DOCK3: variants seen among roughly 807,000 people sequenced by gnomAD.
DOCK3 encodes the protein dedicator of cytokinesis 3, also known as dedicator of cytokinesis protein 3.
DOCK3 carries 60 observed loss-of-function variants against 265.6 expected under a neutral mutation model. That is an observed-to-expected ratio of 0.23 (90% CI 0.18 to 0.28). The LOEUF (loss-of-function observed/expected upper bound fraction) is 0.28. Ranked by LOEUF, DOCK3 falls within the 10% of genes least tolerant of loss-of-function variation. The pLI, the probability that DOCK3 is intolerant of heterozygous loss-of-function variation, is 1.00. For synonymous variants in DOCK3, 881 were observed against 938.0 expected, an observed-to-expected ratio of 0.94 and a Z score of 1.11; for missense variants, 1,981 against 2,594.3, an observed-to-expected ratio of 0.76 and a Z score of 5.14.
In DOCK3 at chr3:51,236,423, T is replaced by C; in HGVS notation, c.1996T>C (p.Ser666Pro). ...TEKYGLLVFQ[S>P]LVFIINLLRD... ...GAAGTACGGCCTGTTGGTTTTTCAGTCTCTGGTAAGTCACCTTCCTGACTC... is the reference window on the plus strand; with the variant it reads ...GAAGTACGGCCTGTTGGTTTTTCAGCCTCTGGTAAGTCACCTTCCTGACTC... The change falls in exon 20 of 53, where the codon TCT becomes CCT. Residue 666 changes from serine to proline, a missense_variant. By Grantham distance (74) the Ser-to-Pro change is moderately conservative. Transcript: ENST00000266037. The C allele has an allele frequency of 6.2e-7, 1 of 1,609,090 alleles. No individual in the cohort carries two copies. Among genetic ancestry groups the C allele is most frequent in the Non-Finnish European group, 8.5e-7 (1 of 1,178,554 alleles).
chr3:51,157,865 T>G (rs773548723), intron 10 of DOCK3, among the ~76,000 whole-genome samples: 12 of 149,404 alleles, frequency 8.0e-5, no homozygotes. Flanking sequence ...AGTAGCGCTG[T>G]CTCTTTCTCG....
intron 4 of DOCK3, among the ~76,000 whole-genome samples, chr3:50,925,635 C>G (rs933215584): frequency 5.7e-4 from 86 of 151,898 alleles, no homozygotes; most frequent in East Asian, 5.8e-4. Flanking sequence ...TCTTTGTGTC[C>G]GAAGAAGAAA....
intron 12 of DOCK3, among the ~76,000 whole-genome samples, chr3:51,205,738 G>T (rs981457690): frequency 6.6e-6 from 1 of 152,080 alleles, no homozygotes; most frequent in African/African-American, 2.4e-5. Context: ...AGAATTCATT[G>T]TTAACAGCAT....
intron 5 of DOCK3, among the ~76,000 whole-genome samples, chr3:50,951,694 A>G (rs968855219): frequency 8.5e-5 from 13 of 152,160 alleles, no homozygotes; most frequent in Admixed American, 7.9e-4. Flanking sequence ...TCTCATAATT[A>G]GTTTTAATTT....
At chr3:51,356,354 G>T in intron 42 of DOCK3, 53 bp from the exon 43 acceptor site, 1 of 1,612,398 alleles carries the variant, frequency 6.2e-7, no homozygotes, top group Non-Finnish European at 8.5e-7. Flanking sequence ...CAGGTAGGCA[G>T]GGTGTGGCAA....
chr3:51,112,108 G>A (rs2083546514), intron 9 of DOCK3, among the ~76,000 whole-genome samples: 1 of 152,176 alleles, frequency 6.6e-6, no homozygotes. Context: ...TACACTGTTG[G>A]TGGGAGTGTA....
chr3:50,733,761 AT>A (rs11341145), intron 1 of DOCK3, among the ~76,000 whole-genome samples: 137,164 of 151,528 alleles, frequency 0.91, 62,237 homozygotes, highest in African/African-American at 0.95. Context: ...CCTTTTGTTA[AT>A]TTTTTTTTAA....
intron 12 of DOCK3, among the ~76,000 whole-genome samples, chr3:51,172,245 G>A (rs1163819621): frequency 3.3e-5 from 5 of 150,878 alleles, no homozygotes; most frequent in Non-Finnish European, 7.4e-5. Context: ...GCACAATCTC[G>A]ACTCACTGCA....
chr3:50,723,628 A>G (rs1414077587), intron 1 of DOCK3, among the ~76,000 whole-genome samples: 1 of 152,240 alleles, frequency 6.6e-6, no homozygotes, highest in Non-Finnish European at 1.5e-5. Flanking sequence ...TGGTGCTGGG[A>G]AAACTGGCTA....
intron 4 of DOCK3, among the ~76,000 whole-genome samples, chr3:50,899,075 G>T (rs1200901499): frequency 6.6e-6 from 1 of 151,994 alleles, no homozygotes; most frequent in Admixed American, 6.6e-5. Context: ...TTGGCAGTGG[G>T]GTGTTAAAAT....
At chr3:50,717,136 C>G (rs765471216) in intron 1 of DOCK3, among the ~76,000 whole-genome samples, 5 of 152,030 alleles carry the variant, frequency 3.3e-5, no homozygotes, top group Non-Finnish European at 5.9e-5. Flanking sequence ...ATAATTTAAC[C>G]AGTTCTCTAT....
rs201245597 is a variant in DOCK3 at position 51,349,416 on chromosome 3, TG to T, written c.4002+480del. Among the ~76,000 whole-genome samples, 683 of 152,322 alleles carry T rather than the reference TG, an allele frequency of 4.5e-3. 4 individuals are homozygous for T. The highest frequency in any genetic ancestry group is 0.014 in the African/African-American group (580 of 41,580). Reference sequence around the variant, plus strand: ...TCTGCGCCAAATTTTTCCTGGTTGCTGGTGCTCGGTTCTGAATCATAATGGC... The same window carrying T: ...TCTGCGCCAAATTTTTCCTGGTTGCTGTGCTCGGTTCTGAATCATAATGGC... On this transcript the variant is annotated intron_variant, in intron 39 of 52. Coordinates refer to ENST00000266037, the MANE Select transcript of DOCK3 (RefSeq NM_004947.5).
At chr3:50,789,445 A>G (rs1280353034) in intron 2 of DOCK3, among the ~76,000 whole-genome samples, 1 of 152,168 alleles carries the variant, frequency 6.6e-6, no homozygotes, top group Non-Finnish European at 1.5e-5. Context: ...TAGAATGTAT[A>G]TTCTGCAGTT....
At chr3:50,951,368 A>C (rs1383383112) in intron 5 of DOCK3, among the ~76,000 whole-genome samples, 1 of 152,180 alleles carries the variant, frequency 6.6e-6, no homozygotes, top group Non-Finnish European at 1.5e-5. Context: ...CTGTATTACT[A>C]TGTTGATTAA....
Position 51,131,496 on chromosome 3 carries a change from G to C in DOCK3, c.747-15053G>C, listed in dbSNP as rs1266864357. On this transcript the variant is annotated intron_variant, in intron 9 of 52. Coordinates refer to ENST00000266037, the MANE Select transcript of DOCK3 (RefSeq NM_004947.5). Reference sequence around the variant, plus strand: ...GTACCTGGCCTCCCTCCATTCAAGGGGTTCTAGATCTGTAAACTGGTTCAA... The same window carrying C: ...GTACCTGGCCTCCCTCCATTCAAGGCGTTCTAGATCTGTAAACTGGTTCAA... 3.3e-5 allele frequency among the ~76,000 whole-genome samples: 5 copies of C among 152,074 alleles called. No individual in the cohort carries two copies. In the East Asian group the frequency reaches 7.7e-4, roughly 23 times the overall value.
intron 3 of DOCK3, chr3:50,877,386 A>G: frequency 1.9e-6 from 1 of 516,000 alleles, no homozygotes; most frequent in Non-Finnish European, 3.9e-6. Flanking sequence ...AGTTATGGTC[A>G]GGGTCAAGAT....
At chr3:50,775,208 C>T (rs187717052) in intron 1 of DOCK3, among the ~76,000 whole-genome samples, 3 of 152,008 alleles carry the variant, frequency 2.0e-5, no homozygotes. Context: ...TTATTTTTTT[C>T]AGATGTTTCG....
At chr3:51,235,229 A>G (rs1024428874) in intron 19 of DOCK3, among the ~76,000 whole-genome samples, 1 of 152,230 alleles carries the variant, frequency 6.6e-6, no homozygotes, top group African/African-American at 2.4e-5. Flanking sequence ...TAACTCTTCA[A>G]AGCAATCTAA....
At position 51,227,299 on chromosome 3, in the gene DOCK3, G is replaced by C. The variant is rs2090367894; in HGVS notation, c.1394G>C (p.Gly465Ala). Residue 465 changes from glycine (G) to alanine (A), a missense_variant, in exon 16 of 53, where the codon GGT (glycine) becomes GCT (alanine). By Grantham distance (60) the Gly-to-Ala change is moderately conservative. Transcript: ENST00000266037. The stretch of plus-strand genomic sequence containing the variant: ...TTCTTCCAGGATTGCATCAGCTTGG[G>C]TTCAGGAGAGCCAAATAGGAGTTCC... ...GEILKDCISLGSGEPNRSSYH... is the reference protein window; with the variant it reads ...GEILKDCISLASGEPNRSSYH... 1 of 1,613,680 alleles carries C rather than the reference G, an allele frequency of 6.2e-7. No homozygotes were observed.
Sources: gnomAD v4.1 joint callset for allele counts (sites outside exome capture counted in the v4.1 genomes callset) on GRCh38, gnomAD v4.1.1 for gene constraint, MANE v1.5 for transcripts, NCBI Gene and HGNC (gene_info 2026-07-23, HGNC 2026-07-21) for gene names.